Variants in STK32A observed in about 807,000 individuals in gnomAD.
STK32A encodes serine/threonine kinase 32A.
Under a neutral mutation model 53.2 loss-of-function variants are expected in STK32A, and 41 were observed. The ratio of observed to expected loss-of-function variants is 0.77; its 90% CI spans 0.60 to 1.00. STK32A has a LOEUF of 1.00. STK32A is among the 50% of genes least tolerant of loss of function. STK32A has a pLI of 0.00. For missense variants in STK32A, 458 were observed against 485.8 expected, an observed-to-expected ratio of 0.94 and a Z score of 0.54; for synonymous variants, 166 against 162.8, an observed-to-expected ratio of 1.02 and a Z score of -0.15.
At chr5:147,302,524 T>C (rs550242811) in intron 4 of STK32A, among the ~76,000 whole-genome samples, 1 of 152,330 alleles carries the variant, frequency 6.6e-6, no homozygotes, top group South Asian at 2.1e-4. Flanking sequence ...CTTTTTCTTT[T>C]GAGAAATGTA....
At chr5:147,392,724 T>A (rs1757848593), downstream of STK32A, 1 of 152,198 alleles carries the variant, frequency 6.6e-6, no homozygotes, top group Admixed American at 6.5e-5. Flanking sequence ...GAAGACTGCA[T>A]CATGTCACTT....
chr5:147,260,295 G>GTCTCTCTCTCTCTC (rs71001423), intron 2 of STK32A, among the ~76,000 whole-genome samples: 12 of 117,396 alleles, frequency 1.0e-4, no homozygotes, highest in African/African-American at 3.9e-4. Context: ...TCTCTCGCCT[G>GTCTCTCTCTCTCTC]TCTCTCTCTC....
At chr5:147,381,741 G>A (rs1477230277) in intron 11 of STK32A, among the ~76,000 whole-genome samples, 2 of 151,900 alleles carry the variant, frequency 1.3e-5, no homozygotes, top group African/African-American at 4.8e-5. Context: ...GGATTTGGGG[G>A]CTCATGCCTT....
intron 2 of STK32A, among the ~76,000 whole-genome samples, chr5:147,255,108 C>A (rs1405678010): frequency 6.6e-6 from 1 of 152,044 alleles, no homozygotes; most frequent in Non-Finnish European, 1.5e-5. Flanking sequence ...CCATTGCATG[C>A]CAGCCTGGGC....
chr5:147,321,303 G>C (rs1271086948), intron 4 of STK32A, among the ~76,000 whole-genome samples: 1 of 152,178 alleles, frequency 6.6e-6, no homozygotes, highest in Non-Finnish European at 1.5e-5. Context: ...ATATGAAGTT[G>C]AATATTCAAG....
chr5:147,317,312 T>A (rs1226198864), intron 4 of STK32A, among the ~76,000 whole-genome samples: 4 of 127,128 alleles, frequency 3.1e-5, no homozygotes, highest in African/African-American at 6.2e-5. Context: ...GGTCTTTTTT[T>A]CTTTTTCTTT....
chr5:147,358,218 C>CA (rs1756344202), intron 7 of STK32A, among the ~76,000 whole-genome samples: 2 of 151,878 alleles, frequency 1.3e-5, no homozygotes, highest in African/African-American at 4.8e-5. Flanking sequence ...AAGACAATGC[C>CA]AATTTAAACC....
chr5:147,401,201 T>A, the STK32A span, among the ~76,000 whole-genome samples: 4 of 152,224 alleles, frequency 2.6e-5, no homozygotes, highest in African/African-American at 9.6e-5. Flanking sequence ...TTCTCTGACC[T>A]TCAGTTGCTT....
chr5:147,273,799 C>T (rs1046918070), intron 2 of STK32A, among the ~76,000 whole-genome samples: 2 of 152,144 alleles, frequency 1.3e-5, no homozygotes, highest in African/African-American at 4.8e-5. Context: ...CTTTGCCTTA[C>T]TTTCTGTTTT....
chr5:147,271,673 C>T (rs527419703), intron 2 of STK32A, among the ~76,000 whole-genome samples: 7 of 152,160 alleles, frequency 4.6e-5, no homozygotes, highest in African/African-American at 1.2e-4. Flanking sequence ...TGGGTGTGGC[C>T]GTCTTCTATG....
intron 4 of STK32A, among the ~76,000 whole-genome samples, chr5:147,297,191 T>A (rs1410991662): frequency 6.6e-6 from 1 of 152,100 alleles, no homozygotes; most frequent in African/African-American, 2.4e-5. Flanking sequence ...AAGAAACAAA[T>A]GTCTTGCTCA....
chr5:147,348,940 A>G, intron 6 of STK32A: 2 of 498,772 alleles, frequency 4.0e-6, no homozygotes, highest in Non-Finnish European at 7.4e-6. Context: ...TGACGTTTTC[A>G]AGGTAACACA....
At chr5:147,346,749 T>C (rs967335700) in intron 6 of STK32A, among the ~76,000 whole-genome samples, 1 of 152,202 alleles carries the variant, frequency 6.6e-6, no homozygotes, top group Non-Finnish European at 1.5e-5. Context: ...CTAAAATTCT[T>C]GTATTTTTCT....
intron 5 of STK32A, among the ~76,000 whole-genome samples, chr5:147,331,462 T>TTATAATAATAAGA (rs1754869590): frequency 6.6e-6 from 1 of 152,204 alleles, no homozygotes; most frequent in African/African-American, 2.4e-5. Flanking sequence ...ACTTTCACTC[T>TTATAATAATAAGA]TATAATAATA....
At chr5:147,273,935 TA>T (rs1755150103) in intron 2 of STK32A, among the ~76,000 whole-genome samples, 1 of 152,124 alleles carries the variant, frequency 6.6e-6, no homozygotes, top group South Asian at 2.1e-4. Flanking sequence ...GAAAGTGACA[TA>T]AAAATGAAAC....
Position 147,292,793 on chromosome 5 carries a change from G to A in STK32A, c.260+13395G>A, listed in dbSNP as rs145218539. On this transcript the variant is annotated intron_variant, in intron 4 of 12. Coordinates refer to ENST00000397936, the MANE Select transcript of STK32A (RefSeq NM_001112724.2). The stretch of plus-strand genomic sequence containing the variant: ...GAAGAATTGCTTGAACCTGGGAGGT[G>A]GAGGTTGTGTTGAGCTGAGATCACA... 9.0e-3 allele frequency among the ~76,000 whole-genome samples: 1,374 copies of A among 152,176 alleles called. 24 individuals are homozygous for A. Among genetic ancestry groups the A allele is most frequent in the African/African-American group, 0.032 (1,321 of 41,498 alleles).
chr5:147,380,554 A>G (rs1757412639), intron 11 of STK32A, among the ~76,000 whole-genome samples: 1 of 152,214 alleles, frequency 6.6e-6, no homozygotes, highest in Admixed American at 6.5e-5. Context: ...TTTGTTGCAG[A>G]ATTTTAAAAC....
intron 4 of STK32A, among the ~76,000 whole-genome samples, chr5:147,299,275 T>G (rs1351127608): frequency 6.6e-6 from 1 of 152,148 alleles, no homozygotes; most frequent in Non-Finnish European, 1.5e-5. Context: ...TAAACTGTCA[T>G]GGTGCTGGTG....
chr5:147,351,150 C>T lies in STK32A; in HGVS notation c.558C>T (p.Tyr186=). The T allele has an allele frequency of 6.2e-7, 1 of 1,613,306 alleles. No individual in the cohort carries two copies. Among genetic ancestry groups the T allele is most frequent in the Non-Finnish European group, 8.5e-7 (1 of 1,179,286 alleles). ...QITTMAGTKP[Y]MAPEMFSSRK... ...CCACCATGGCTGGCACCAAGCCTTA[C>T]ATGGGTATGGGTTTCATGAGTGTCT... Residue 186 remains tyrosine, a synonymous_variant, in exon 7 of 13, where the codon TAC becomes TAT. Transcript: ENST00000397936.
Sources: gnomAD v4.1 joint callset for allele counts (sites outside exome capture counted in the v4.1 genomes callset) on GRCh38, gnomAD v4.1.1 for gene constraint, MANE v1.5 for transcripts, NCBI Gene and HGNC (gene_info 2026-07-23, HGNC 2026-07-21) for gene names.